The following DCHS2 variants were observed in gnomAD, a reference collection of about 807,000 sequenced individuals.
The protein encoded by DCHS2 is protocadherin-23.
In DCHS2, 142 loss-of-function variants were observed where a neutral mutation model predicts 182.4. The observed-to-expected ratio is 0.78, with a 90% confidence interval of 0.68 to 0.89. The LOEUF (loss-of-function observed/expected upper bound fraction) is 0.89, where lower values mean the gene tolerates loss of function less well. Ranked by LOEUF, DCHS2 falls within the 40% of genes least tolerant of loss-of-function variation. DCHS2 has a pLI of 0.00. For missense variants in DCHS2, 4,319 were observed against 4,198.6 expected, an observed-to-expected ratio of 1.03 and a Z score of -0.79; for synonymous variants, 1,740 against 1,663.3, an observed-to-expected ratio of 1.05 and a Z score of -1.12.
rs201033133 is a variant in DCHS2 at position 154,235,145 on chromosome 4, T to C, written c.9507A>G (p.Gln3169=). 4.2e-5 allele frequency: 67 copies of C among 1,613,910 alleles called. No individual in the cohort carries two copies. Among genetic ancestry groups the C allele is most frequent in the Non-Finnish European group, 5.3e-5 (63 of 1,179,954 alleles). ...EASQTFGEGD[Q]GEGCSTTCAQ... Reference sequence around the variant, plus strand: ...CACAGGTGGTGCTGCAGCCTTCCCCTTGATCTCCTTCCCCAAATGTTTGGC... The same window carrying C: ...CACAGGTGGTGCTGCAGCCTTCCCCCTGATCTCCTTCCCCAAATGTTTGGC... The change falls in exon 20 of 20, where the codon CAA becomes CAG. Residue 3169 remains glutamine (Q), a synonymous_variant. Transcript: ENST00000357232.
chr4:154,489,929 C>G lies in DCHS2; in HGVS notation c.1427G>C (p.Gly476Ala). 3.9e-6 allele frequency: 6 copies of G among 1,540,142 alleles called. No individual in the cohort carries two copies. Among genetic ancestry groups the G allele is most frequent in the Non-Finnish European group, 4.4e-6 (5 of 1,139,560 alleles). Reference protein sequence around the residue: ...SISLSLEGGEGDFALLPGGPP... With the variant: ...SISLSLEGGEADFALLPGGPP... ...GCCGCCGGGTAGCAACGCGAAGTCT[C>G]CCTCTCCGCCTTCCAAGGACAGAGA... is the stretch of plus-strand genomic sequence containing the variant. The change falls in exon 1 of 20, where the codon GGA becomes GCA. Residue 476 changes from glycine to alanine, a missense_variant. Transcript: ENST00000357232.
chr4:154,379,856 A>G (rs915050371), intron 1 of DCHS2, among the ~76,000 whole-genome samples: 4 of 152,138 alleles, frequency 2.6e-5, no homozygotes, highest in Non-Finnish European at 4.4e-5. Flanking sequence ...CCAGAATGTG[A>G]CTTTTGGAGC....
At position 154,489,821 on chromosome 4, in the gene DCHS2, G is replaced by T; in HGVS notation, c.1535C>A (p.Thr512Lys). Reference protein sequence around the residue: ...RDLYELLLVATDAGSPPLSTE... With the variant: ...RDLYELLLVAKDAGSPPLSTE... The stretch of plus-strand genomic sequence containing the variant: ...GCTCAGCGGCGGGGACCCCGCGTCC[G>T]TGGCCACCAGTAGTAACTCATACAG... The change falls in exon 1 of 20, where the codon ACG (threonine) becomes AAG (lysine). Residue 512 changes from threonine to lysine, a missense_variant. Coordinates refer to ENST00000357232, the MANE Select transcript of DCHS2 (RefSeq NM_001358235.2). 1 of 1,551,354 alleles carries T rather than the reference G, an allele frequency of 6.4e-7. No individual in the cohort carries two copies. The highest frequency in any genetic ancestry group is 8.7e-7 in the Non-Finnish European group (1 of 1,146,860).
rs577875520 is a variant in DCHS2, at chr4:154,366,263, T to A, written c.2423A>T (p.Tyr808Phe). 3.2e-5 allele frequency: 51 copies of A among 1,613,564 alleles called. No homozygotes were observed. Among genetic ancestry groups the A allele is most frequent in the Non-Finnish European group, 4.2e-5 (49 of 1,179,920 alleles). ...QDSGIYGTVAYELIPGNVSSL... is the reference protein window; with the variant it reads ...QDSGIYGTVAFELIPGNVSSL... ...CGACACGTTTCCTGGAATAAGCTCA[T>A]AAGCCACTGTCCCATATATCCCAGA... The change falls in exon 3 of 20, where the codon TAT becomes TTT. Residue 808 changes from tyrosine to phenylalanine, a missense_variant. Coordinates refer to ENST00000357232, the MANE Select transcript of DCHS2 (RefSeq NM_001358235.2).
At position 154,389,521 on chromosome 4, in the gene DCHS2, T is replaced by C. The variant is rs1462749862; in HGVS notation, c.2053-12077A>G. On this transcript the variant is annotated intron_variant, in intron 1 of 19. Coordinates refer to ENST00000357232, the MANE Select transcript of DCHS2 (RefSeq NM_001358235.2). ...TCTATTCCTAAAGACAAAGGTTATA[T>C]ATATATATATATATAACCTTTTTTT... 1.4e-5 allele frequency among the ~76,000 whole-genome samples: 2 copies of C among 145,078 alleles called. 1 individual carries two copies. The highest frequency in any genetic ancestry group is 3.1e-5 in the Non-Finnish European group (2 of 65,194).
At chr4:154,386,759 G>A (rs1299130864) in intron 1 of DCHS2, among the ~76,000 whole-genome samples, 3 of 152,112 alleles carry the variant, frequency 2.0e-5, no homozygotes, top group African/African-American at 2.4e-5. Context: ...TAGGATACAA[G>A]CACGTTTAAG....
intron 3 of DCHS2, among the ~76,000 whole-genome samples, chr4:154,339,353 C>T (rs1015549159): frequency 8.5e-5 from 13 of 152,148 alleles, no homozygotes; most frequent in African/African-American, 2.4e-4. Flanking sequence ...AATGAAAATC[C>T]ACCCACAGAG....
intron 13 of DCHS2, among the ~76,000 whole-genome samples, chr4:154,288,944 T>C (rs1362244383): frequency 6.6e-6 from 1 of 152,062 alleles, no homozygotes; most frequent in African/African-American, 2.4e-5. Flanking sequence ...GAGTAAAGTT[T>C]ATAGCTGTAA....
chr4:154,396,688 C>T (rs1731940673), intron 1 of DCHS2, among the ~76,000 whole-genome samples: 1 of 152,160 alleles, frequency 6.6e-6, no homozygotes, highest in African/African-American at 2.4e-5. Flanking sequence ...TCACACACTC[C>T]TCACTCCAGT....
intron 1 of DCHS2, among the ~76,000 whole-genome samples, chr4:154,448,208 T>G: frequency 6.6e-6 from 1 of 152,304 alleles, no homozygotes; most frequent in South Asian, 2.1e-4. Context: ...CTCCCATTCC[T>G]GGCTATGACA....
intron 1 of DCHS2, among the ~76,000 whole-genome samples, chr4:154,446,617 G>T (rs372750755): frequency 2.0e-5 from 3 of 152,298 alleles, no homozygotes; most frequent in Admixed American, 2.0e-4. Flanking sequence ...TATACAGAGA[G>T]TAAGGGATTG....
At position 154,312,285 on chromosome 4, in the gene DCHS2, A is replaced by G. The variant is rs899080555; in HGVS notation, c.5260+3463T>C. On this transcript the variant is annotated intron_variant, in intron 10 of 19. Coordinates refer to ENST00000357232, the MANE Select transcript of DCHS2 (RefSeq NM_001358235.2). ...TAAGATCGGCTTGTGCTTGAATCCT[A>G]TGGATCTCCTTATGTGCCCCTGGAT... Among the ~76,000 whole-genome samples, 5 of 152,222 alleles carry G rather than the reference A, an allele frequency of 3.3e-5. No individual in the cohort carries two copies. In the South Asian group the frequency reaches 8.3e-4, roughly 25 times the overall value.
chr4:154,263,234 G>T (rs1000729017), intron 14 of DCHS2, among the ~76,000 whole-genome samples: 2 of 152,014 alleles, frequency 1.3e-5, no homozygotes, highest in Admixed American at 6.6e-5. Flanking sequence ...ATGATAATTT[G>T]TCAAAGGTAG....
Position 154,366,241 on chromosome 4 carries a change from C to T in DCHS2, c.2445G>A (p.Val815=), listed in dbSNP as rs147206974. Residue 815 remains valine, a synonymous_variant, in exon 3 of 20, where the codon GTG becomes GTA. Transcript: ENST00000357232. The part of the protein sequence containing the change: ...TVAYELIPGN[V]SSLFTIDSTT... ...TGGAGTCAATGGTAAAAAGGGACGA[C>T]ACGTTTCCTGGAATAAGCTCATAAG... 6 of 1,613,582 alleles carry T rather than the reference C, an allele frequency of 3.7e-6. No individual in the cohort carries two copies. Among genetic ancestry groups the T allele is most frequent in the Non-Finnish European group, 5.1e-6 (6 of 1,179,932 alleles).
intron 3 of DCHS2, among the ~76,000 whole-genome samples, chr4:154,354,041 C>T (rs1169005467): frequency 1.3e-5 from 2 of 152,164 alleles, no homozygotes; most frequent in African/African-American, 4.8e-5. Context: ...ATCCTTCCAC[C>T]TCAGCCTCCA....
chr4:154,307,304 A>G (rs1248537555), intron 10 of DCHS2, among the ~76,000 whole-genome samples: 1 of 152,214 alleles, frequency 6.6e-6, no homozygotes, highest in Non-Finnish European at 1.5e-5. Flanking sequence ...GGAAATTTGG[A>G]TCTGAAGATA....
chr4:154,431,142 G>C (rs1168361975), intron 1 of DCHS2, among the ~76,000 whole-genome samples: 1 of 152,150 alleles, frequency 6.6e-6, no homozygotes, highest in Non-Finnish European at 1.5e-5. Context: ...TGCATCTAAA[G>C]ATCAGTTTAG....
chr4:154,368,508 C>T (rs1028718821), intron 2 of DCHS2, among the ~76,000 whole-genome samples: 5 of 145,038 alleles, frequency 3.4e-5, no homozygotes, highest in African/African-American at 1.0e-4. Flanking sequence ...AAGTGGAAAA[C>T]GTATAATACT....
rs74517873 is a variant in DCHS2, at chr4:154,451,877, G to A, written c.2052+37427C>T. Among the ~76,000 whole-genome samples, 1,011 of 152,364 alleles carry A rather than the reference G, an allele frequency of 6.6e-3. 7 individuals are homozygous for A. Among genetic ancestry groups the A allele is most frequent in the African/African-American group, 0.011 (478 of 41,588 alleles). On this transcript the variant is annotated intron_variant, in intron 1 of 19. Transcript: ENST00000357232. Reference sequence around the variant, plus strand: ...AAAAGGTCAGGGGAAGAGATATGTGGACAGACTTCTCTAAATGGGCAAAAA... The same window carrying A: ...AAAAGGTCAGGGGAAGAGATATGTGAACAGACTTCTCTAAATGGGCAAAAA...
Sources: gnomAD v4.1 joint callset for allele counts (sites outside exome capture counted in the v4.1 genomes callset) on GRCh38, gnomAD v4.1.1 for gene constraint, MANE v1.5 for transcripts, NCBI Gene and HGNC (gene_info 2026-07-23, HGNC 2026-07-21) for gene names.